TMEM179B: variants seen among roughly 807,000 people sequenced by gnomAD.
TMEM179B encodes transmembrane protein 179B.
TMEM179B carries 13 observed loss-of-function variants against 18.0 expected under a neutral mutation model. That is an observed-to-expected ratio of 0.72 (90% CI 0.47 to 1.15). The LOEUF (loss-of-function observed/expected upper bound fraction) is 1.15. Among genes scored for constraint, TMEM179B ranks in the 50% most tolerant of loss-of-function variants. TMEM179B has a pLI of 0.00. For missense variants in TMEM179B, 320 were observed against 270.6 expected (o/e 1.18, Z -1.28); for synonymous variants, 159 against 117.5 (o/e 1.35, Z -2.29).
chr11:62,789,618 A>G lies in TMEM179B; in HGVS notation c.437A>G (p.Lys146Arg). ...NTTISCSEAQ[K>R]IPWTPPGTAL... ...CCTCACAGCTGTTCTGAAGCCCAGAAAATTCCATGGACACCCCCTGGAACT... is the reference window on the plus strand; with the variant it reads ...CCTCACAGCTGTTCTGAAGCCCAGAGAATTCCATGGACACCCCCTGGAACT... Residue 146 changes from lysine (K) to arginine (R), a missense_variant, in exon 4 of 5, where the codon AAA (lysine) becomes AGA (arginine). Transcript: ENST00000333449. The G allele has an allele frequency of 6.5e-7, 1 of 1,547,302 alleles. No individual in the cohort carries two copies. The highest frequency in any genetic ancestry group is 1.3e-5 in the South Asian group (1 of 78,700).
chr11:62,789,352 G>A lies in TMEM179B; in HGVS notation c.345G>A (p.Leu115=). Residue 115 remains leucine, a synonymous_variant, in exon 3 of 5, where the codon TTG becomes TTA. Transcript: ENST00000333449. ...CAGCTATAGCCGTCTTCCTGGTCTT[G>A]GTGTCTGCCTGTATCCTTCGATTTG... ...AISAIAVFLV[L]VSACILRFGT... 1.2e-6 allele frequency: 2 copies of A among 1,613,924 alleles called. No individual in the cohort carries two copies. The highest frequency in any genetic ancestry group is 1.7e-6 in the Non-Finnish European group (2 of 1,180,022).
At position 62,789,295 on chromosome 11, in the gene TMEM179B, T is replaced by G. The variant is rs1017112376; in HGVS notation, c.288T>G (p.Gly96=). 6.8e-6 allele frequency: 11 copies of G among 1,613,864 alleles called. No homozygotes were observed. The highest frequency in any genetic ancestry group is 2.2e-5 in the South Asian group (2 of 91,072). The change falls in exon 3 of 5, where the codon GGT becomes GGG. Residue 96 remains glycine (G), a synonymous_variant. Transcript: ENST00000333449. ...YSSCIEDSHR[G]AIGLRIALAI... ...AGGCTTGTTCTCTCCCTTTCAGAGG[T>G]GCTATAGGGCTGCGCATTGCACTGG...
chr11:62,789,579 A>T, intron 3 of TMEM179B, 22 bp from the exon 4 acceptor site: 1 of 1,548,712 alleles, frequency 6.5e-7, no homozygotes, highest in Non-Finnish European at 8.7e-7. Context: ...GCTTTCTCAC[A>T]ACTGTCTCTT....
Position 62,789,927 on chromosome 11 carries a change from G to A in TMEM179B, c.540G>A (p.Leu180=). Residue 180 remains leucine, a synonymous_variant, in exon 5 of 5, where the codon TTG becomes TTA. Transcript: ENST00000333449. Reference sequence around the variant, plus strand: ...ATTTGGTATTGTGGTGTGTGGTCTTGGTGCTCCAGGTCGTGCAGTGGAAGT... The same window carrying A: ...ATTTGGTATTGTGGTGTGTGGTCTTAGTGCTCCAGGTCGTGCAGTGGAAGT... ...WVNLVLWCVV[L]VLQVVQWKSE... is the part of the protein sequence containing the mutation. The A allele has an allele frequency of 6.2e-7, 1 of 1,614,102 alleles. No homozygotes were observed. The highest frequency in any genetic ancestry group is 8.5e-7 in the Non-Finnish European group (1 of 1,180,002).
intron 4 of TMEM179B, 39 bp from the exon 5 acceptor site, chr11:62,789,847 T>A (rs779653173): frequency 6.3e-7 from 1 of 1,593,382 alleles, no homozygotes; most frequent in Non-Finnish European, 8.6e-7. Flanking sequence ...GGATTTGAAA[T>A]GGTCCCACTC....
In TMEM179B at chr11:62,790,002, C is replaced by T; in HGVS notation, c.615C>T (p.Ser205=). The T allele has an allele frequency of 6.2e-7, 1 of 1,613,988 alleles. No individual in the cohort carries two copies. Residue 205 remains serine (S), a synonymous_variant, in exon 5 of 5, where the codon AGC becomes AGT. Coordinates refer to ENST00000333449, the MANE Select transcript of TMEM179B (RefSeq NM_199337.3). ...RPLERGDPEW[S]SETDALVGSR... ...TGGAGAGGGGTGACCCTGAGTGGAG[C>T]TCTGAGACAGATGCTCTCGTTGGGT...
In TMEM179B at chr11:62,789,151, C is replaced by T. The variant is rs943169631; in HGVS notation, c.225C>T (p.Leu75=). The T allele has an allele frequency of 6.2e-7, 1 of 1,614,088 alleles. No individual in the cohort carries two copies. Among genetic ancestry groups the T allele is most frequent in the African/African-American group, 1.3e-5 (1 of 74,924 alleles). Reference sequence around the variant, plus strand: ...CTGGGGCCTCTGGCCTCTTGGCCCTCTACTGCCTCCTGCTTTTGCTCTTCT... The same window carrying T: ...CTGGGGCCTCTGGCCTCTTGGCCCTTTACTGCCTCCTGCTTTTGCTCTTCT... ...FVAGASGLLA[L]YCLLLLLFWI... is the part of the protein sequence containing the mutation. The change falls in exon 2 of 5, where the codon CTC becomes CTT. Residue 75 remains leucine (L), a synonymous_variant. Coordinates refer to ENST00000333449, the MANE Select transcript of TMEM179B (RefSeq NM_199337.3).
rs1449511237 is a variant in TMEM179B at position 62,787,546 on chromosome 11, G to T, written c.96+19G>T. 6.5e-7 allele frequency: 1 copy of T among 1,539,762 alleles called. No homozygotes were observed. The highest frequency in any genetic ancestry group is 1.9e-5 in the Admixed American group (1 of 51,366). On this transcript the variant is annotated intron_variant, in intron 1 of 4. Transcript: ENST00000333449. ...GACCCAGGTGCGGCTGCGGGGCGGG[G>T]TCAGGTAGGCGGGGGAGCTGGCCGG...
intron 1 of TMEM179B, 54 bp downstream of exon 1, chr11:62,787,581 G>T: frequency 6.8e-7 from 1 of 1,465,900 alleles, no homozygotes; most frequent in South Asian, 1.4e-5. Context: ...GTCTGGACAT[G>T]GCGAGGCCAC....
Position 62,787,648 on chromosome 11 carries a change from G to A in TMEM179B, c.96+121G>A, listed in dbSNP as rs1001085217. 2.2e-5 allele frequency: 28 copies of A among 1,265,420 alleles called. No homozygotes were observed. In the Middle Eastern group the frequency reaches 8.3e-4, roughly 38 times the overall value. 78.4% of individuals were successfully genotyped at this position (1,265,420 alleles called of 1,614,324 possible). A position where few individuals can be genotyped will look rare whatever the true frequency, so the allele number is the denominator to read the frequency against. On this transcript the variant is annotated intron_variant, in intron 1 of 4. Coordinates refer to ENST00000333449, the MANE Select transcript of TMEM179B (RefSeq NM_199337.3). Reference sequence around the variant, plus strand: ...GGAGCCGGTGGACCTGGTGAGGCACGGCTGGCGCCGGCCTGTACCTGAAAT... The same window carrying A: ...GGAGCCGGTGGACCTGGTGAGGCACAGCTGGCGCCGGCCTGTACCTGAAAT...
Position 62,789,226 on chromosome 11 carries a change from T to G in TMEM179B, c.284+16T>G, listed in dbSNP as rs1452935945. The G allele has an allele frequency of 1.2e-6, 2 of 1,613,908 alleles. No individual in the cohort carries two copies. Among genetic ancestry groups the G allele is most frequent in the Non-Finnish European group, 1.7e-6 (2 of 1,179,824 alleles). On this transcript the variant is annotated intron_variant, in intron 2 of 4. Coordinates refer to ENST00000333449, the MANE Select transcript of TMEM179B (RefSeq NM_199337.3). ...ACTCCCACAGGTGACTGCCTAACCC[T>G]GAGGGCCAGGGGCTGAGGTAGGATG... is the stretch of plus-strand genomic sequence containing the variant.
rs2084339670 is a variant in TMEM179B, at chr11:62,789,991, C to G, written c.604C>G (p.Pro202Ala). 6 of 1,614,052 alleles carry G rather than the reference C, an allele frequency of 3.7e-6. No homozygotes were observed. The highest frequency in any genetic ancestry group is 4.2e-6 in the Non-Finnish European group (5 of 1,180,010). Residue 202 changes from proline (P) to alanine (A), a missense_variant, in exon 5 of 5, where the codon CCT (proline) becomes GCT (alanine). Pro to Ala is a conservative substitution (Grantham distance 27). Coordinates refer to ENST00000333449, the MANE Select transcript of TMEM179B (RefSeq NM_199337.3). ...TPYRPLERGD[P>A]EWSSETDALV... ...ATACCGGCCTCTGGAGAGGGGTGAC[C>G]CTGAGTGGAGCTCTGAGACAGATGC...
intron 4 of TMEM179B, 62 bp from the exon 5 acceptor site, chr11:62,789,824 G>A (rs1051019870): frequency 1.0e-5 from 16 of 1,576,576 alleles, no homozygotes; most frequent in Admixed American, 1.8e-5. Flanking sequence ...GTGGTGTGTG[G>A]GTGGGAAGGA....
rs1205615088 is a variant in TMEM179B at position 62,789,181 on chromosome 11, C to G, written c.255C>G (p.Ile85Met). The G allele has an allele frequency of 7.4e-6, 12 of 1,614,102 alleles. No homozygotes were observed. The highest frequency in any genetic ancestry group is 2.7e-5 in the African/African-American group (2 of 74,938). ...GCCTCCTGCTTTTGCTCTTCTGGAT[C>G]TACAGCAGCTGCATCGAGGACTCCC... ...LYCLLLLLFW[I>M]YSSCIEDSHR... Residue 85 changes from isoleucine (I) to methionine (M), a missense_variant, in exon 2 of 5, where the codon ATC becomes ATG. Coordinates refer to ENST00000333449, the MANE Select transcript of TMEM179B (RefSeq NM_199337.3).
chr11:62,788,419 C>T (rs189989287), intron 1 of TMEM179B, among the ~76,000 whole-genome samples: 2 of 147,260 alleles, frequency 1.4e-5, no homozygotes, highest in Admixed American at 6.8e-5. Flanking sequence ...AAAACAAAAA[C>T]ACTGGCCGGG....
Position 62,787,507 on chromosome 11 carries a change from G to A in TMEM179B, c.76G>A (p.Ala26Thr), listed in dbSNP as rs535599426. ...AAFLCGAVAA[A>T]AMTRTQGSFS... The stretch of plus-strand genomic sequence containing the variant: ...CTTCCTGTGCGGGGCCGTGGCGGCC[G>A]CGGCGATGACTCGGACCCAGGTGCG... Residue 26 changes from alanine (A) to threonine (T), a missense_variant, in exon 1 of 5, where the codon GCG becomes ACG. By Grantham distance (58) the Ala-to-Thr change is moderately conservative. Coordinates refer to ENST00000333449, the MANE Select transcript of TMEM179B (RefSeq NM_199337.3). The A allele has an allele frequency of 1.3e-6, 2 of 1,577,008 alleles. No homozygotes were observed. Among genetic ancestry groups the A allele is most frequent in the Non-Finnish European group, 1.7e-6 (2 of 1,169,790 alleles).
chr11:62,789,845 A>G (rs755707253), intron 4 of TMEM179B, 41 bp from the exon 5 acceptor site: 46 of 1,592,568 alleles, frequency 2.9e-5, no homozygotes, highest in Admixed American at 1.2e-4. Context: ...CTGGATTTGA[A>G]ATGGTCCCAC....
rs927198942 is a variant in TMEM179B, at chr11:62,787,406, C to G, written c.-26C>G. The G allele has an allele frequency of 1.9e-6, 3 of 1,555,832 alleles. No homozygotes were observed. The highest frequency in any genetic ancestry group is 2.6e-6 in the Non-Finnish European group (3 of 1,159,170). ...GGCTTTGGGCGGGGTGCTGCTGCAG[C>G]GGCGCTTCCTGGTGGTCAGGGCGCC... On this transcript the variant is annotated 5_prime_UTR_variant, in exon 1 of 5. Coordinates refer to ENST00000333449, the MANE Select transcript of TMEM179B (RefSeq NM_199337.3).
chr11:62,787,579 A>C (rs1285436153), intron 1 of TMEM179B, 52 bp downstream of exon 1: 2 of 1,469,482 alleles, frequency 1.4e-6, no homozygotes, highest in Non-Finnish European at 1.8e-6. Flanking sequence ...CGGTCTGGAC[A>C]TGGCGAGGCC....
Sources: gnomAD v4.1 joint callset for allele counts (sites outside exome capture counted in the v4.1 genomes callset) on GRCh38, gnomAD v4.1.1 for gene constraint, MANE v1.5 for transcripts, NCBI Gene and HGNC (gene_info 2026-07-23, HGNC 2026-07-21) for gene names.